Variants in ATXN10 observed in about 807,000 individuals in gnomAD.
ATXN10 encodes ataxin 10, also known as ataxin-10.
A neutral mutation model predicts 52.9 loss-of-function variants in ATXN10; 28 were observed. The ratio of observed to expected loss-of-function variants is 0.53; its 90% CI spans 0.39 to 0.73. The LOEUF (loss-of-function observed/expected upper bound fraction) is 0.73. Among genes scored for constraint, ATXN10 ranks in the 30% least tolerant of loss-of-function variants. The pLI is 0.00. For missense variants in ATXN10, 565 were observed against 577.0 expected (o/e 0.98, Z 0.21); for synonymous variants, 226 against 221.5 (o/e 1.02, Z -0.18).
In ATXN10 at chr22:45,774,167, G is replaced by A. The variant is rs762892448; in HGVS notation, c.1174-32792G>A. 3.1e-3 allele frequency among the ~76,000 whole-genome samples: 468 copies of A among 152,348 alleles called. 2 individuals are homozygous for A. The highest frequency in any genetic ancestry group is 5.1e-3 in the Non-Finnish European group (350 of 68,040). On this transcript the variant is annotated intron_variant, in intron 9 of 11. Transcript: ENST00000252934. This position sits in a 1 kb window ranked among gnomAD's most constrained non-coding sequence, Gnocchi z 6.2. ...ACTGTGACAGCCTGCTAATGTCTGGGGGTGGCCCTGCCTTAGTAGGCATGG... is the reference window on the plus strand; with the variant it reads ...ACTGTGACAGCCTGCTAATGTCTGGAGGTGGCCCTGCCTTAGTAGGCATGG...
At chr22:45,740,670 T>G (rs1925476430) in intron 9 of ATXN10, 132 bp downstream of exon 9, 1 of 639,816 alleles carries the variant, frequency 1.6e-6, no homozygotes. Flanking sequence ...GATATATATT[T>G]TATATGAATA....
chr22:45,729,505 G>T lies in ATXN10; in HGVS notation c.809G>T (p.Arg270Leu). ...AAGGATGACATCCCTGTGTTTTTGC[G>T]GCATGCTGAGTTGATTGCAAGCACC... ...LTKDDIPVFL[R>L]HAELIASTFV... The change falls in exon 7 of 12, where the codon CGG (arginine) becomes CTG (leucine). Residue 270 changes from arginine to leucine, a missense_variant. Transcript: ENST00000252934. 1.2e-5 allele frequency: 20 copies of T among 1,614,038 alleles called. No homozygotes were observed. Among genetic ancestry groups the T allele is most frequent in the Non-Finnish European group, 1.7e-5 (20 of 1,180,012 alleles).
At chr22:45,779,609 T>C (rs1466095064) in intron 9 of ATXN10, among the ~76,000 whole-genome samples, 5 of 152,226 alleles carry the variant, frequency 3.3e-5, no homozygotes, top group African/African-American at 4.8e-5. Flanking sequence ...ATGTGGTGTT[T>C]ATGTAGTATC....
In ATXN10 at chr22:45,733,118, A is replaced by C. The variant is rs957041776; in HGVS notation, c.894+3528A>C. On this transcript the variant is annotated intron_variant, in intron 7 of 11. Coordinates refer to ENST00000252934, the MANE Select transcript of ATXN10 (RefSeq NM_013236.4). The surrounding 1 kb of genome is among the most constrained non-coding windows in gnomAD (Gnocchi z 4.4). ...TCAGTTCAGAATCTTGTTCACTTGT[A>C]GCAAGCCTTGCCTTTTCTCTGAAAG... Among the ~76,000 whole-genome samples, 1 of 152,142 alleles carries C rather than the reference A, an allele frequency of 6.6e-6. No individual in the cohort carries two copies. Among genetic ancestry groups the C allele is most frequent in the African/African-American group, 2.4e-5 (1 of 41,434 alleles).
At chr22:45,735,620 T>C (rs949477285) in intron 7 of ATXN10, among the ~76,000 whole-genome samples, 5 of 152,164 alleles carry the variant, frequency 3.3e-5, no homozygotes, top group African/African-American at 9.7e-5. Context: ...CAGGCAGATA[T>C]AACTAATTTG....
Position 45,671,971 on chromosome 22 carries a change from C to T in ATXN10, c.-93C>T. ...AGGGCGAGGCCTCCCCCTTCCTCCT[C>T]GCCATCCTACTCCTCCCTCCTCGTC... On this transcript the variant is annotated 5_prime_UTR_variant, in exon 1 of 12. Coordinates refer to ENST00000252934, the MANE Select transcript of ATXN10 (RefSeq NM_013236.4). The T allele has an allele frequency of 7.1e-7, 1 of 1,409,232 alleles. No homozygotes were observed. The highest frequency in any genetic ancestry group is 9.6e-7 in the Non-Finnish European group (1 of 1,042,370). The allele number at this position is 1,409,232 out of a possible 1,614,324, so 87.3% of individuals were successfully genotyped here.
At chr22:45,803,626 T>C (rs541009571) in intron 9 of ATXN10, among the ~76,000 whole-genome samples, 1 of 152,264 alleles carries the variant, frequency 6.6e-6, no homozygotes, top group Admixed American at 6.5e-5. Context: ...CCTTGCTTCT[T>C]TTCTGGATTT....
intron 10 of ATXN10, among the ~76,000 whole-genome samples, chr22:45,808,852 T>G (rs914615326): frequency 1.1e-4 from 17 of 152,236 alleles, no homozygotes; most frequent in Admixed American, 2.0e-4. Context: ...GATAGCTATA[T>G]CTTTAGCTGG....
At chr22:45,773,404 G>A (rs1459622013) in intron 9 of ATXN10, among the ~76,000 whole-genome samples, 1 of 151,398 alleles carries the variant, frequency 6.6e-6, no homozygotes, top group Non-Finnish European at 1.5e-5. Context: ...TTCTCTGTGG[G>A]GGTTAAATGG....
rs540684542 is a variant in ATXN10, at chr22:45,842,808, G to A, written c.1238-183G>A. Among the ~76,000 whole-genome samples, 7 of 152,280 alleles carry A rather than the reference G, an allele frequency of 4.6e-5. No homozygotes were observed. Among genetic ancestry groups the A allele is most frequent in the Admixed American group, 3.3e-4 (5 of 15,292 alleles). On this transcript the variant is annotated intron_variant, in intron 10 of 11. Coordinates refer to ENST00000252934, the MANE Select transcript of ATXN10 (RefSeq NM_013236.4). The surrounding 1 kb of genome is among the most constrained non-coding windows in gnomAD (Gnocchi z 4.8). The stretch of plus-strand genomic sequence containing the variant: ...TGGATGTACATGTGCATATGCCTGC[G>A]TTGCCTCTTTTTAATGTGTTTGCAC...
chr22:45,822,963 G>T (rs1365186996), intron 10 of ATXN10, among the ~76,000 whole-genome samples: 1 of 152,104 alleles, frequency 6.6e-6, no homozygotes, highest in African/African-American at 2.4e-5. Flanking sequence ...CTATATCCAG[G>T]ATAAAAATTA....
chr22:45,842,967 C>T lies in ATXN10; in HGVS notation c.1238-24C>T. ...GTTATCAAACAGGAAAGTACGTTGT[C>T]ACATTCCTTCACTCTGGCTCCAGTT... is the stretch of plus-strand genomic sequence containing the variant. On this transcript the variant is annotated intron_variant, in intron 10 of 11. Coordinates refer to ENST00000252934, the MANE Select transcript of ATXN10 (RefSeq NM_013236.4). This position sits in a 1 kb window ranked among gnomAD's most constrained non-coding sequence, Gnocchi z 4.8. 1 of 1,610,090 alleles carries T rather than the reference C, an allele frequency of 6.2e-7. No homozygotes were observed. The highest frequency in any genetic ancestry group is 8.5e-7 in the Non-Finnish European group (1 of 1,176,382).
In ATXN10 at chr22:45,784,799, T is replaced by A. The variant is rs1397843561; in HGVS notation, c.1174-22160T>A. ...CCAGCAAGCCTTTATTTTTTTATTT[T>A]TTAAACACCGTGGGCAAGCTGATCA... On this transcript the variant is annotated intron_variant, in intron 9 of 11. Transcript: ENST00000252934. The surrounding 1 kb of genome is among the most constrained non-coding windows in gnomAD (Gnocchi z 4.2). Among the ~76,000 whole-genome samples, 1 of 152,228 alleles carries A rather than the reference T, an allele frequency of 6.6e-6. No individual in the cohort carries two copies. Among genetic ancestry groups the A allele is most frequent in the Non-Finnish European group, 1.5e-5 (1 of 68,034 alleles).
rs1176992190 is a variant in ATXN10, at chr22:45,757,302, C to T, written c.1173+16764C>T. 2.0e-5 allele frequency among the ~76,000 whole-genome samples: 3 copies of T among 152,108 alleles called. No homozygotes were observed. The highest frequency in any genetic ancestry group is 4.4e-5 in the Non-Finnish European group (3 of 68,002). ...CTACACCCTCCTCCCTCCCCTAGCC[C>T]CACACAAAACAAAAATGCCTCAGAG... On this transcript the variant is annotated intron_variant, in intron 9 of 11. Coordinates refer to ENST00000252934, the MANE Select transcript of ATXN10 (RefSeq NM_013236.4). This position sits in a 1 kb window ranked among gnomAD's most constrained non-coding sequence, Gnocchi z 4.6.
At chr22:45,773,206 C>G (rs1425162524) in intron 9 of ATXN10, among the ~76,000 whole-genome samples, 1 of 152,178 alleles carries the variant, frequency 6.6e-6, no homozygotes, top group African/African-American at 2.4e-5. Flanking sequence ...TGGGCTTGCT[C>G]AACTCATTCA....
chr22:45,721,674 C>G (rs183731478), intron 6 of ATXN10, among the ~76,000 whole-genome samples: 1 of 152,324 alleles, frequency 6.6e-6, no homozygotes, highest in Admixed American at 6.5e-5. Flanking sequence ...GCCGTTTTCT[C>G]CAGGTAGCAT....
At chr22:45,798,245 T>C (rs2146875403) in intron 9 of ATXN10, among the ~76,000 whole-genome samples, 1 of 152,306 alleles carries the variant, frequency 6.6e-6, no homozygotes, top group African/African-American at 2.4e-5. Context: ...TACAGAGCAG[T>C]GTCTCTCATG....
At chr22:45,739,581 A>C (rs1338177555) in intron 8 of ATXN10, among the ~76,000 whole-genome samples, 1 of 152,314 alleles carries the variant, frequency 6.6e-6, no homozygotes, top group Admixed American at 6.5e-5. Context: ...AATTTAAATA[A>C]AACACCACAA....
chr22:45,672,838 T>G (rs559552270), intron 1 of ATXN10: 1 of 152,396 alleles, frequency 6.6e-6, no homozygotes, highest in Admixed American at 6.5e-5. Flanking sequence ...CCTTGCAAGC[T>G]GCGTGTTACT....
Sources: allele counts gnomAD v4.1 joint callset (sites outside exome capture counted in the v4.1 genomes callset), GRCh38; gene constraint gnomAD v4.1.1; non-coding constraint Gnocchi (gnomAD v3.1); transcripts MANE v1.5; gene names NCBI Gene and HGNC (gene_info 2026-07-23, HGNC 2026-07-21).